CNTNAP5: variants seen among roughly 807,000 people sequenced by gnomAD.
The protein encoded by CNTNAP5 is contactin-associated protein-like 5.
A neutral mutation model predicts 150.2 loss-of-function variants in CNTNAP5; 72 were observed. That is an observed-to-expected ratio of 0.48 (90% CI 0.40 to 0.58). The LOEUF is 0.58. Ranked by LOEUF, CNTNAP5 falls within the 20% of genes least tolerant of loss-of-function variation. The pLI, the probability that CNTNAP5 is intolerant of heterozygous loss-of-function variation, is 0.00. For synonymous variants in CNTNAP5, 672 were observed against 619.8 expected (o/e 1.08, Z -1.25); for missense variants, 1,636 against 1,626.2 (o/e 1.01, Z -0.10).
intron 10 of CNTNAP5, among the ~76,000 whole-genome samples, chr2:124,543,603 G>A (rs1553477947): frequency 1.3e-5 from 2 of 152,106 alleles, no homozygotes; most frequent in Non-Finnish European, 2.9e-5. Flanking sequence ...AAGAAGAAAG[G>A]TTTCACATTA....
chr2:124,400,552 C>T (rs1215364315), intron 3 of CNTNAP5, among the ~76,000 whole-genome samples: 1 of 152,114 alleles, frequency 6.6e-6, no homozygotes, highest in Non-Finnish European at 1.5e-5. Context: ...TCCTTAACTC[C>T]AGGTGCTCTA....
chr2:124,318,142 G>A (rs1166700380), intron 3 of CNTNAP5, among the ~76,000 whole-genome samples: 2 of 152,178 alleles, frequency 1.3e-5, no homozygotes, highest in Admixed American at 6.5e-5. Flanking sequence ...GCACACACCA[G>A]TGGGTCCTGG....
chr2:124,736,768 G>GTGT (rs1381357648), intron 13 of CNTNAP5, among the ~76,000 whole-genome samples: 2 of 152,086 alleles, frequency 1.3e-5, no homozygotes, highest in Admixed American at 1.3e-4. Context: ...ATTTTTTAAT[G>GTGT]TCATCTATAG....
chr2:124,599,511 T>C (rs1418940263), intron 11 of CNTNAP5, among the ~76,000 whole-genome samples: 1 of 152,196 alleles, frequency 6.6e-6, no homozygotes, highest in Non-Finnish European at 1.5e-5. Flanking sequence ...AGTGATTCTA[T>C]AATTTTGGTT....
chr2:124,567,187 G>A (rs1696043807), intron 11 of CNTNAP5, among the ~76,000 whole-genome samples: 1 of 152,120 alleles, frequency 6.6e-6, no homozygotes, highest in Non-Finnish European at 1.5e-5. Context: ...AGCCTTTGTG[G>A]ATAAGAGAGG....
At chr2:124,854,449 T>C (rs1045158945) in intron 19 of CNTNAP5, among the ~76,000 whole-genome samples, 2 of 152,220 alleles carry the variant, frequency 1.3e-5, no homozygotes, top group Non-Finnish European at 2.9e-5. Flanking sequence ...CTATCTTTAG[T>C]ACCAGGTTAG....
At chr2:124,828,435 C>T (rs1682644358) in intron 19 of CNTNAP5, among the ~76,000 whole-genome samples, 1 of 151,852 alleles carries the variant, frequency 6.6e-6, no homozygotes, top group Admixed American at 6.6e-5. Context: ...AAGCTGAGAT[C>T]GTGCCACTGC....
intron 1 of CNTNAP5, among the ~76,000 whole-genome samples, chr2:124,148,993 A>T (rs2104630249): frequency 6.6e-6 from 1 of 152,274 alleles, no homozygotes; most frequent in East Asian, 1.9e-4. Flanking sequence ...CATATATAAG[A>T]TGAGTGAATG....
At chr2:124,346,948 T>A (rs1689751857) in intron 3 of CNTNAP5, among the ~76,000 whole-genome samples, 1 of 145,126 alleles carries the variant, frequency 6.9e-6, no homozygotes, top group Non-Finnish European at 1.5e-5. Context: ...CTGGGCATGG[T>A]CATGGTGGTG....
chr2:124,703,191 TTTCC>T (rs1223144389), intron 13 of CNTNAP5, among the ~76,000 whole-genome samples: 2 of 107,360 alleles, frequency 1.9e-5, no homozygotes, highest in African/African-American at 6.2e-5. Context: ...CCTCTCCTTC[TTTCC>T]TTCCTTCCTT....
intron 7 of CNTNAP5, among the ~76,000 whole-genome samples, chr2:124,487,807 C>T (rs1573407673): frequency 6.6e-6 from 1 of 151,900 alleles, no homozygotes; most frequent in African/African-American, 2.4e-5. Context: ...TTTTTTCCCC[C>T]ATGTTTTTAC....
At chr2:124,453,005 G>A (rs559170237) in intron 6 of CNTNAP5, among the ~76,000 whole-genome samples, 4 of 152,112 alleles carry the variant, frequency 2.6e-5, no homozygotes, top group Admixed American at 2.0e-4. Flanking sequence ...TAGCTTTCCA[G>A]CAATGGATCC....
chr2:124,781,591 C>T (rs548873462), intron 17 of CNTNAP5, among the ~76,000 whole-genome samples: 2 of 152,208 alleles, frequency 1.3e-5, no homozygotes, highest in East Asian at 3.9e-4. Flanking sequence ...ACCTGGAGCC[C>T]AAACGCCTCA....
intron 3 of CNTNAP5, among the ~76,000 whole-genome samples, chr2:124,269,548 C>T (rs1687690171): frequency 6.6e-6 from 1 of 152,058 alleles, no homozygotes; most frequent in African/African-American, 2.4e-5. Flanking sequence ...GAGAGAACAG[C>T]CATGATAAGC....
intron 1 of CNTNAP5, among the ~76,000 whole-genome samples, chr2:124,026,452 T>G (rs1680892184): frequency 6.6e-6 from 1 of 152,110 alleles, no homozygotes; most frequent in Admixed American, 6.6e-5. Context: ...GTGTAGGACA[T>G]TTAATTTAAT....
At chr2:124,146,238 G>C (rs1399006095) in intron 1 of CNTNAP5, among the ~76,000 whole-genome samples, 2 of 152,148 alleles carry the variant, frequency 1.3e-5, no homozygotes, top group Non-Finnish European at 2.9e-5. Flanking sequence ...TAAATGCCTA[G>C]ATGCCTAACT....
At chr2:124,707,039 A>AAGAAGAAGGAGG (rs1553433616) in intron 13 of CNTNAP5, among the ~76,000 whole-genome samples, 1,666 of 82,064 alleles carry the variant, frequency 0.02, 37 homozygotes, top group Non-Finnish European at 0.029. Flanking sequence ...GAAGAAGAAG[A>AAGAAGAAGGAGG]AGGAGGAGGA....
chr2:124,044,869 G>A (rs1402009506), intron 1 of CNTNAP5, among the ~76,000 whole-genome samples: 2 of 140,774 alleles, frequency 1.4e-5, no homozygotes, highest in African/African-American at 2.7e-5. Context: ...CGCCACAGAC[G>A]GAAGCAATGG....
At chr2:124,543,312 A>G (rs1255799666) in intron 10 of CNTNAP5, among the ~76,000 whole-genome samples, 2 of 50,922 alleles carry the variant, frequency 3.9e-5, no homozygotes, top group Non-Finnish European at 7.2e-5. Flanking sequence ...TTGTGCCTTA[A>G]AAAAAAAAAT....
Sources: gnomAD v4.1 joint callset for allele counts (sites outside exome capture counted in the v4.1 genomes callset) on GRCh38, gnomAD v4.1.1 for gene constraint, MANE v1.5 for transcripts, NCBI Gene and HGNC (gene_info 2026-07-23, HGNC 2026-07-21) for gene names.